Variants in USP31 observed in about 807,000 individuals in gnomAD.
The protein encoded by USP31 is ubiquitin specific peptidase 31, also known as ubiquitin carboxyl-terminal hydrolase 31.
Under a neutral mutation model 119.4 loss-of-function variants are expected in USP31, and 44 were observed. That is an observed-to-expected ratio of 0.37 (90% CI 0.29 to 0.47). The LOEUF is 0.47. Ranked by LOEUF, USP31 falls within the 20% of genes least tolerant of loss-of-function variation. The pLI is 0.99. For missense variants in USP31, 1,643 were observed against 1,730.2 expected, an observed-to-expected ratio of 0.95 and a Z score of 0.89; for synonymous variants, 749 against 705.6, an observed-to-expected ratio of 1.06 and a Z score of -0.97.
chr16:23,105,501 A>C lies in USP31; in HGVS notation c.1029T>G (p.Ser343=). The change falls in exon 5 of 16, where the codon TCT becomes TCG. Residue 343 remains serine (S), a synonymous_variant. Transcript: ENST00000219689. ...CMRIGVAVPL[S]GTVARLREAV... ...CTTCCCGAAGTCTGGCGACAGTCCC[A>C]GACAGAGGTACGGCCACACCAATCC... 6.2e-7 allele frequency: 1 copy of C among 1,614,188 alleles called. No individual in the cohort carries two copies. Among genetic ancestry groups the C allele is most frequent in the East Asian group, 2.2e-5 (1 of 44,888 alleles).
intron 1 of USP31, among the ~76,000 whole-genome samples, chr16:23,115,210 G>A (rs908259695): frequency 2.2e-5 from 3 of 137,554 alleles, no homozygotes; most frequent in Non-Finnish European, 4.9e-5. Flanking sequence ...TGCCTTTTAC[G>A]ATTTTTTTTC....
rs1902058460 is a variant in USP31, at chr16:23,105,496, G to A, written c.1034C>T (p.Thr345Ile). The A allele has an allele frequency of 6.2e-7, 1 of 1,614,040 alleles. No homozygotes were observed. The highest frequency in any genetic ancestry group is 8.5e-7 in the Non-Finnish European group (1 of 1,180,014). ...CACTGCTTCCCGAAGTCTGGCGACA[G>A]TCCCAGACAGAGGTACGGCCACACC... ...RIGVAVPLSG[T>I]VARLREAVSM... The change falls in exon 5 of 16, where the codon ACT (threonine) becomes ATT (isoleucine). Residue 345 changes from threonine (T) to isoleucine (I), a missense_variant. By Grantham distance (89) the Thr-to-Ile change is moderately conservative. Transcript: ENST00000219689.
intron 6 of USP31, among the ~76,000 whole-genome samples, chr16:23,095,399 T>G (rs1044543089): frequency 6.6e-6 from 1 of 152,162 alleles, no homozygotes; most frequent in African/African-American, 2.4e-5. Flanking sequence ...ATGGGAAGAA[T>G]GGAACCAAGC....
Position 23,080,063 on chromosome 16 carries a change from A to G in USP31, c.2059T>C (p.Ser687Pro). The G allele has an allele frequency of 6.2e-7, 1 of 1,614,050 alleles. No homozygotes were observed. Among genetic ancestry groups the G allele is most frequent in the African/African-American group, 1.3e-5 (1 of 75,018 alleles). ...GGCCGTCTCCACGGGGACCAATGCG[A>G]TGGCAAACTCCAGCTGCTCTGGCTC... ...KRSQSSWSLP[S>P]HWSPWRRPYG... The change falls in exon 13 of 16, where the codon TCG (serine) becomes CCG (proline). Residue 687 changes from serine to proline, a missense_variant. Ser to Pro is a moderately conservative substitution (Grantham distance 74, BLOSUM62 -1). Coordinates refer to ENST00000219689, the MANE Select transcript of USP31 (RefSeq NM_020718.4).
In USP31 at chr16:23,067,680, T is replaced by C. The variant is rs1900130784; in HGVS notation, c.*366A>G. On this transcript the variant is annotated 3_prime_UTR_variant, in exon 16 of 16. Transcript: ENST00000219689. ...GCTCCTTCCTCCTTCTACGCACTAA[T>C]GGTAGCTTTTCTGGTTCACAGGTTT... 5.9e-6 allele frequency: 1 copy of C among 170,686 alleles called. No homozygotes were observed. Among genetic ancestry groups the C allele is most frequent in the African/African-American group, 2.4e-5 (1 of 41,744 alleles). 10.6% of individuals were successfully genotyped at this position (170,686 alleles called of 1,614,324 possible). A position where few individuals can be genotyped will look rare whatever the true frequency, so the allele number is the denominator to read the frequency against.
chr16:23,138,385 T>A (rs1231921590), intron 1 of USP31, among the ~76,000 whole-genome samples: 1 of 152,232 alleles, frequency 6.6e-6, no homozygotes, highest in Non-Finnish European at 1.5e-5. Flanking sequence ...TCAAAGAGGC[T>A]AAGATACATA....
Position 23,090,779 on chromosome 16 carries a change from G to A in USP31, c.1260C>T (p.Asn420=), listed in dbSNP as rs748923385. 50 of 1,597,328 alleles carry A rather than the reference G, an allele frequency of 3.1e-5. No homozygotes were observed. The highest frequency in any genetic ancestry group is 3.5e-5 in the Non-Finnish European group (41 of 1,167,400). The part of the protein sequence containing the change: ...QRGIHLNNNL[N]HLKFGLDYHR... The stretch of plus-strand genomic sequence containing the variant: ...GATAATCCAAGCCAAATTTCAAGTG[G>A]TTTAGGTTGTTGTTTAAATGAATTC... Residue 420 remains asparagine (N), a synonymous_variant, in exon 7 of 16, where the codon AAC becomes AAT. Coordinates refer to ENST00000219689, the MANE Select transcript of USP31 (RefSeq NM_020718.4).
intron 1 of USP31, among the ~76,000 whole-genome samples, chr16:23,133,015 T>A (rs1903076178): frequency 6.6e-6 from 1 of 152,150 alleles, no homozygotes; most frequent in Admixed American, 6.6e-5. Context: ...AGAAAGTAAG[T>A]GAATCCAGCC....
rs1901928710 is a variant in USP31 at position 23,102,590 on chromosome 16, C to T, written c.1090-127G>A. 3 of 1,018,232 alleles carry T rather than the reference C, an allele frequency of 2.9e-6. No homozygotes were observed. In the Admixed American group the frequency reaches 9.9e-5, roughly 34 times the overall value. 63.1% of individuals were successfully genotyped at this position (1,018,232 alleles called of 1,614,324 possible). ...TCTGAGAGACATCTCGCAGAGCCCA[C>T]TTTATTTGCCTTTAATGAGAGAATC... On this transcript the variant is annotated intron_variant, in intron 5 of 15. Coordinates refer to ENST00000219689, the MANE Select transcript of USP31 (RefSeq NM_020718.4).
chr16:23,070,291 G>A (rs551495149), intron 15 of USP31, among the ~76,000 whole-genome samples: 103 of 152,146 alleles, frequency 6.8e-4, no homozygotes, highest in African/African-American at 2.4e-3. Flanking sequence ...ACCCCTTCCC[G>A]CACCACTCAA....
intron 6 of USP31, among the ~76,000 whole-genome samples, chr16:23,098,870 T>C (rs1185498843): frequency 2.0e-5 from 3 of 152,154 alleles, no homozygotes; most frequent in Admixed American, 2.0e-4. Flanking sequence ...ATAAAAACCC[T>C]AGAAGAAAAC....
At chr16:23,126,461 TAA>T (rs778289648) in intron 1 of USP31, among the ~76,000 whole-genome samples, 10 of 129,266 alleles carry the variant, frequency 7.7e-5, no homozygotes, top group Admixed American at 3.1e-4. Flanking sequence ...CGTCTCTACT[TAA>T]AAAAAAAAAA....
chr16:23,080,213 C>G (rs1294925096), intron 12 of USP31, 42 bp from the exon 13 acceptor site: 1 of 1,495,528 alleles, frequency 6.7e-7, no homozygotes, highest in South Asian at 1.3e-5. Context: ...TATTTTAATG[C>G]AAGCAGATGG....
At position 23,065,168 on chromosome 16, in the gene USP31, AC is replaced by A. The variant is rs1900014514; in HGVS notation, c.*2877del. ...AAACAAACATTACAGATACAACATTACTGTTGGTGATTATTTTGTGCCTACC... is the reference window on the plus strand; with the variant it reads ...AAACAAACATTACAGATACAACATTATGTTGGTGATTATTTTGTGCCTACC... On this transcript the variant is annotated 3_prime_UTR_variant, in exon 16 of 16. Coordinates refer to ENST00000219689, the MANE Select transcript of USP31 (RefSeq NM_020718.4). 6.6e-6 allele frequency: 1 copy of A among 152,146 alleles called. No individual in the cohort carries two copies. Among genetic ancestry groups the A allele is most frequent in the Admixed American group, 6.5e-5 (1 of 15,278 alleles). 9.4% of individuals were successfully genotyped at this position (152,146 alleles called of 1,614,324 possible).
rs750012609 is a variant in USP31 at position 23,068,531 on chromosome 16, C to A, written c.3574G>T (p.Ala1192Ser). 1.2e-6 allele frequency: 2 copies of A among 1,613,412 alleles called. No homozygotes were observed. Among genetic ancestry groups the A allele is most frequent in the East Asian group, 4.5e-5 (2 of 44,852 alleles). Residue 1192 changes from alanine to serine, a missense_variant, in exon 16 of 16, where the codon GCC (alanine) becomes TCC (serine). By Grantham distance (99) the Ala-to-Ser change is moderately conservative (BLOSUM62 1). This residue lies in a region of USP31 where 699 missense variants were observed against 650.9 expected (regional missense o/e 1.07). Coordinates refer to ENST00000219689, the MANE Select transcript of USP31 (RefSeq NM_020718.4). ...SQARAGEGRGAGKHVRSSSMA... is the reference protein window; with the variant it reads ...SQARAGEGRGSGKHVRSSSMA... ...GAGGAGCTCCGCACGTGCTTCCCGG[C>A]CCCCCTGCCCTCCCCTGCTCGGGCC...
At chr16:23,073,169 C>T (rs777408518) in intron 14 of USP31, among the ~76,000 whole-genome samples, 3 of 152,202 alleles carry the variant, frequency 2.0e-5, no homozygotes, top group South Asian at 2.1e-4. Flanking sequence ...GGATGTCATC[C>T]GGCTAAACCC....
intron 1 of USP31, among the ~76,000 whole-genome samples, chr16:23,141,180 C>T (rs1446372932): frequency 6.6e-6 from 1 of 152,184 alleles, no homozygotes; most frequent in African/African-American, 2.4e-5. Context: ...TCGGCCTCTG[C>T]CTACCTGGCC....
chr16:23,148,770 C>G lies in USP31; in HGVS notation c.501G>C (p.Glu167Asp), dbSNP rs760084457. 1.2e-5 allele frequency: 18 copies of G among 1,528,770 alleles called. No homozygotes were observed. In the South Asian group the frequency reaches 1.9e-4, roughly 16 times the overall value. 94.7% of individuals were successfully genotyped at this position (1,528,770 alleles called of 1,614,324 possible). Reference sequence around the variant, plus strand: ...CAGGCTGCTCCGGGTCAGGCGAGGGCTCGGGCCGCCCCGCCCGGTACTGGC... The same window carrying G: ...CAGGCTGCTCCGGGTCAGGCGAGGGGTCGGGCCGCCCCGCCCGGTACTGGC... The part of the protein sequence containing the change: ...ALGQYRAGRP[E>D]PSPDPEQPAG... The change falls in exon 1 of 16, where the codon GAG (glutamate) becomes GAC (aspartate). Residue 167 changes from glutamate (E) to aspartate (D), a missense_variant. Physicochemically the swap from Glu to Asp is conservative, Grantham distance 45 (BLOSUM62 2). Around this residue, in one of 5 missense-constraint regions of USP31, gnomAD observed 302 missense variants for 262.6 expected, o/e 1.15. Coordinates refer to ENST00000219689, the MANE Select transcript of USP31 (RefSeq NM_020718.4).
rs1899995933 is a variant in USP31 at position 23,064,683 on chromosome 16, A to G, written c.*3363T>C. 6.6e-6 allele frequency: 1 copy of G among 152,174 alleles called. No individual in the cohort carries two copies. The highest frequency in any genetic ancestry group is 2.4e-5 in the African/African-American group (1 of 41,416). The allele number at this position is 152,174 out of a possible 1,614,324, so 9.4% of individuals were successfully genotyped here. ...CGGAATCCACGTGATCTCTTTTCCC[A>G]GGAGAACTGTCACTCCATTTAGGAC... On this transcript the variant is annotated 3_prime_UTR_variant, in exon 16 of 16. Transcript: ENST00000219689.
Sources: gnomAD v4.1 joint callset for allele counts (sites outside exome capture counted in the v4.1 genomes callset) on GRCh38, gnomAD v4.1.1 for gene constraint, gnomAD v4.1.1 regional missense constraint, MANE v1.5 for transcripts, NCBI Gene and HGNC (gene_info 2026-07-23, HGNC 2026-07-21) for gene names.